Variants in SLC16A7 observed in about 807,000 individuals in gnomAD.
The protein encoded by SLC16A7 is monocarboxylate transporter 2.
SLC16A7 carries 33 observed loss-of-function variants against 34.9 expected under a neutral mutation model. The observed-to-expected ratio is 0.94, with a 90% CI of 0.72 to 1.26. The LOEUF is 1.26. SLC16A7 is among the 50% of genes most tolerant of loss of function. The pLI is 0.00. For missense variants in SLC16A7, 573 were observed against 578.1 expected (o/e 0.99, Z 0.09); for synonymous variants, 201 against 206.6 (o/e 0.97, Z 0.23).
chr12:59,751,559 C>G (rs1290915088), intron 3 of SLC16A7, among the ~76,000 whole-genome samples: 1 of 152,212 alleles, frequency 6.6e-6, no homozygotes, highest in Non-Finnish European at 1.5e-5. Context: ...GGAGGTGCGC[C>G]CGCCATTGCC....
intron 2 of SLC16A7, among the ~76,000 whole-genome samples, chr12:59,701,118 G>C (rs10877329): frequency 0.24 from 35,667 of 151,522 alleles, 4,298 homozygotes; most frequent in African/African-American, 0.26. Context: ...GTAATTTTAA[G>C]ATCTTCACTC....
intron 3 of SLC16A7, among the ~76,000 whole-genome samples, chr12:59,752,862 C>A (rs1255487341): frequency 6.6e-6 from 1 of 152,174 alleles, no homozygotes; most frequent in African/African-American, 2.4e-5. Context: ...AGAGAAAGAT[C>A]GGGTTACCCA....
chr12:59,756,542 CA>C (rs1213440687), intron 3 of SLC16A7, among the ~76,000 whole-genome samples: 9 of 152,020 alleles, frequency 5.9e-5, no homozygotes, highest in African/African-American at 2.2e-4. Context: ...AAATGCAAAT[CA>C]AAACCACAAT....
intron 4 of SLC16A7, among the ~76,000 whole-genome samples, chr12:59,774,368 G>C (rs1882523218): frequency 6.6e-6 from 1 of 152,098 alleles, no homozygotes; most frequent in Admixed American, 6.6e-5. Flanking sequence ...TTTTGTCCTA[G>C]TTTCAACCTA....
At chr12:59,743,267 C>T (rs1878535964) in intron 3 of SLC16A7, among the ~76,000 whole-genome samples, 1 of 152,100 alleles carries the variant, frequency 6.6e-6, no homozygotes, top group South Asian at 2.1e-4. Context: ...ACCTATAAAT[C>T]AAAACATCGT....
intron 1 of SLC16A7, among the ~76,000 whole-genome samples, chr12:59,649,055 G>A (rs1208119492): frequency 6.6e-6 from 1 of 152,156 alleles, no homozygotes; most frequent in African/African-American, 2.4e-5. Context: ...AAGTGGAAAA[G>A]TAATGACACA....
At chr12:59,604,587 A>C (rs940366785) in intron 1 of SLC16A7, among the ~76,000 whole-genome samples, 1 of 152,220 alleles carries the variant, frequency 6.6e-6, no homozygotes, top group African/African-American at 2.4e-5. Context: ...TTTGTTGAAC[A>C]CTTCTATATT....
At chr12:59,621,452 T>C (rs1422242199) in intron 1 of SLC16A7, among the ~76,000 whole-genome samples, 5 of 151,896 alleles carry the variant, frequency 3.3e-5, no homozygotes, top group Non-Finnish European at 7.4e-5. Context: ...TTCTTCCTAA[T>C]TATTAGTAGT....
intron 2 of SLC16A7, among the ~76,000 whole-genome samples, chr12:59,661,487 G>A (rs1324020531): frequency 1.3e-5 from 2 of 152,112 alleles, no homozygotes; most frequent in Non-Finnish European, 2.9e-5. Context: ...GGGGAGCTAA[G>A]TGGAACCCAA....
At chr12:59,751,869 A>G (rs1014643936) in intron 3 of SLC16A7, among the ~76,000 whole-genome samples, 4 of 152,174 alleles carry the variant, frequency 2.6e-5, no homozygotes, top group African/African-American at 9.7e-5. Context: ...GTTGGGGCAG[A>G]CTGACACCTC....
chr12:59,689,523 A>G (rs951153847), intron 2 of SLC16A7: 4 of 151,982 alleles, frequency 2.6e-5, no homozygotes, highest in Non-Finnish European at 5.9e-5. Context: ...GTGATACTGT[A>G]TTTTTTAGAA....
chr12:59,698,694 T>C (rs1346157148), intron 2 of SLC16A7, among the ~76,000 whole-genome samples: 2 of 151,756 alleles, frequency 1.3e-5, no homozygotes, highest in Non-Finnish European at 3.0e-5. Context: ...AACATCAGTG[T>C]CAAAATTTAA....
chr12:59,601,703 A>G (rs1878692475), intron 1 of SLC16A7, among the ~76,000 whole-genome samples: 1 of 152,282 alleles, frequency 6.6e-6, no homozygotes, highest in South Asian at 2.1e-4. Flanking sequence ...AGAGGCTGGA[A>G]ATCTGAGATC....
intron 2 of SLC16A7, among the ~76,000 whole-genome samples, chr12:59,674,435 A>G (rs1381267267): frequency 6.6e-6 from 1 of 152,192 alleles, no homozygotes; most frequent in Non-Finnish European, 1.5e-5. Context: ...TTGTTGATAG[A>G]ACTATTTAAG....
chr12:59,656,078 CAA>C (rs1868518641), intron 2 of SLC16A7, among the ~76,000 whole-genome samples: 1 of 151,906 alleles, frequency 6.6e-6, no homozygotes, highest in Admixed American at 6.6e-5. Context: ...GGTAAATTTA[CAA>C]AGTTATATTA....
At chr12:59,694,433 G>A (rs1872040587) in intron 2 of SLC16A7, among the ~76,000 whole-genome samples, 1 of 151,914 alleles carries the variant, frequency 6.6e-6, no homozygotes, top group African/African-American at 2.4e-5. Flanking sequence ...GGAGATAAGT[G>A]TACACCCATG....
At chr12:59,599,574 C>T (rs986388433) in intron 1 of SLC16A7, among the ~76,000 whole-genome samples, 1 of 152,182 alleles carries the variant, frequency 6.6e-6, no homozygotes, top group African/African-American at 2.4e-5. Context: ...CACTGGCTGG[C>T]TTTGTCTTAT....
At chr12:59,659,155 C>G (rs1406580304) in intron 2 of SLC16A7, among the ~76,000 whole-genome samples, 1 of 152,020 alleles carries the variant, frequency 6.6e-6, no homozygotes, top group Non-Finnish European at 1.5e-5. Context: ...GCTAATACTA[C>G]TTTATAACAC....
rs1335718841 is a variant in SLC16A7, at chr12:59,785,348, T to C, written c.*5669T>C. 1.3e-5 allele frequency: 2 copies of C among 152,174 alleles called. No homozygotes were observed. The highest frequency in any genetic ancestry group is 4.8e-5 in the African/African-American group (2 of 41,446). The allele number at this position is 152,174 out of a possible 1,614,324, so 9.4% of individuals were successfully genotyped here. On this transcript the variant is annotated 3_prime_UTR_variant, in exon 6 of 6. Transcript: ENST00000547379. The stretch of plus-strand genomic sequence containing the variant: ...ACTGCTTTTTCTTCACTTTAATTCA[T>C]TTATGTGCAAATCAGGGAAGAATTG...
Sources: allele counts gnomAD v4.1 joint callset (sites outside exome capture counted in the v4.1 genomes callset), GRCh38; gene constraint gnomAD v4.1.1; transcripts MANE v1.5; gene names NCBI Gene and HGNC (gene_info 2026-07-23, HGNC 2026-07-21).